Variants in ANK3 observed in about 807,000 individuals in gnomAD.
ANK3 encodes ankyrin-3.
In ANK3, 57 loss-of-function variants were observed where a neutral mutation model predicts 370.9. That is an observed-to-expected ratio of 0.15 (90% CI 0.12 to 0.19). ANK3 has a LOEUF of 0.19. ANK3 is among the 10% of genes least tolerant of loss of function. ANK3 has a pLI of 1.00. For missense variants in ANK3, 4,439 were observed against 5,302.1 expected (o/e 0.84, Z 5.06); for synonymous variants, 1,929 against 1,946.3 (o/e 0.99, Z 0.23).
intron 1 of ANK3, among the ~76,000 whole-genome samples, chr10:60,387,016 C>T (rs371258290): frequency 3.9e-5 from 6 of 151,964 alleles, no homozygotes; most frequent in East Asian, 1.9e-4. Flanking sequence ...AAAAATTAGC[C>T]GGGCAGGGTG....
At chr10:60,180,274 C>A (rs954015769) in intron 18 of ANK3, among the ~76,000 whole-genome samples, 1 of 150,502 alleles carries the variant, frequency 6.6e-6, no homozygotes, top group Non-Finnish European at 1.5e-5. Flanking sequence ...AGTAGTCATT[C>A]TTTTTCATGT....
intron 23 of ANK3, among the ~76,000 whole-genome samples, chr10:60,147,586 T>C (rs945940400): frequency 1.3e-5 from 2 of 152,150 alleles, no homozygotes; most frequent in African/African-American, 4.8e-5. Context: ...GGTGGTTGGA[T>C]CACATGGGTG....
At position 60,434,763 on chromosome 10, in the gene ANK3, A is replaced by T. The variant is rs917358143; in HGVS notation, c.97-155124T>A. Among the ~76,000 whole-genome samples the T allele has an allele frequency of 9.9e-5, 15 of 152,244 alleles. No homozygotes were observed. The East Asian group carries it at 1.3e-3, about 14-fold the overall frequency. On this transcript the variant is annotated intron_variant, in intron 2 of 43. Transcript: ENST00000373827. ...TGTATGCATTTTTGCAGAAGCTCAA[A>T]TCAAATGGTTTCAGAATCTATACAC...
chr10:60,637,873 C>T (rs958073299), intron 1 of ANK3, among the ~76,000 whole-genome samples: 4 of 152,208 alleles, frequency 2.6e-5, no homozygotes, highest in Admixed American at 6.5e-5. Context: ...TTTATTCAGA[C>T]ATTGAAAAAC....
chr10:60,158,255 T>C (rs1194312608), intron 23 of ANK3, among the ~76,000 whole-genome samples: 1 of 152,136 alleles, frequency 6.6e-6, no homozygotes, highest in Non-Finnish European at 1.5e-5. Flanking sequence ...GAAAAGGATA[T>C]TAATGAGCAA....
intron 38 of ANK3, among the ~76,000 whole-genome samples, chr10:60,064,853 C>A (rs2081326754): frequency 6.6e-6 from 1 of 152,072 alleles, no homozygotes; most frequent in Admixed American, 6.5e-5. Context: ...TAGAGCGAGA[C>A]CCTATCTCAA....
At position 60,369,134 on chromosome 10, in the gene ANK3, G is replaced by A. The variant is rs146929710; in HGVS notation, c.114+20291C>T. The stretch of plus-strand genomic sequence containing the variant: ...CCCTAGAAACAGTAAAAACTAACAA[G>A]ATCTAAGCACAGAGTTCCTTTCAGA... On this transcript the variant is annotated intron_variant, in intron 1 of 43. Coordinates refer to ENST00000280772, the MANE Select transcript of ANK3 (RefSeq NM_020987.5). Among the ~76,000 whole-genome samples the A allele has an allele frequency of 2.5e-3, 381 of 152,146 alleles. 3 individuals carry two copies. The highest frequency in any genetic ancestry group is 0.02 in the Middle Eastern group (6 of 294).
At chr10:60,334,118 T>TTA (rs2052177295) in intron 1 of ANK3, among the ~76,000 whole-genome samples, 1 of 152,184 alleles carries the variant, frequency 6.6e-6, no homozygotes. Context: ...TCTATTAGTC[T>TTA]GTTACATAGA....
chr10:60,295,003 G>A (rs114207553), intron 1 of ANK3, among the ~76,000 whole-genome samples: 3,110 of 152,192 alleles, frequency 0.02, 95 homozygotes, highest in African/African-American at 0.069. Flanking sequence ...GGTAACCGCT[G>A]GACTCTGTCA....
intron 7 of ANK3, among the ~76,000 whole-genome samples, chr10:60,237,042 C>T (rs978132400): frequency 6.6e-6 from 1 of 152,232 alleles, no homozygotes; most frequent in Non-Finnish European, 1.5e-5. Flanking sequence ...TCCAGACCTA[C>T]CAGCTTGCAG....
At chr10:60,394,091 T>A (rs183333490), upstream of ANK3, among the ~76,000 whole-genome samples, 1 of 150,502 alleles carries the variant, frequency 6.6e-6, no homozygotes, top group East Asian at 2.0e-4. Context: ...AGCCTCGCCA[T>A]AAGAGATAGT....
rs538821366 is a variant in ANK3, at chr10:60,610,501, G to A, written c.96+4685C>T. Among the ~76,000 whole-genome samples, 97 of 73,524 alleles carry A rather than the reference G, an allele frequency of 1.3e-3. 1 individual carries two copies. The South Asian group carries it at 0.032, about 25-fold the overall frequency. 48.2% of individuals were successfully genotyped at this position (73,524 alleles called of 152,430 possible). A position where few individuals can be genotyped will look rare whatever the true frequency, so the allele number is the denominator to read the frequency against. ...GCACTACAGCCTGGGCAACGAGAGC[G>A]GAAAAAAAAAAAAAATGCTTCCCGA... On this transcript the variant is annotated intron_variant, in intron 2 of 43. Coordinates refer to the ANK3 transcript ENST00000373827.
intron 17 of ANK3, among the ~76,000 whole-genome samples, chr10:60,183,758 T>G (rs2096258760): frequency 6.6e-6 from 1 of 151,446 alleles, no homozygotes; most frequent in South Asian, 2.1e-4. Context: ...CTCGGGAGGC[T>G]GAGGCAGAAG....
At chr10:60,505,309 A>G (rs993544355) in intron 2 of ANK3, among the ~76,000 whole-genome samples, 1 of 152,052 alleles carries the variant, frequency 6.6e-6, no homozygotes, top group Admixed American at 6.6e-5. Context: ...ATTATAGCAT[A>G]AAAGATATAT....
At chr10:60,366,425 C>G (rs1321009884) in intron 1 of ANK3, among the ~76,000 whole-genome samples, 1 of 152,194 alleles carries the variant, frequency 6.6e-6, no homozygotes, top group African/African-American at 2.4e-5. Flanking sequence ...GATAATGACC[C>G]TGCCAGGAAA....
chr10:60,172,274 C>T (rs2095812670), intron 21 of ANK3, 34 bp downstream of exon 21: 1 of 1,561,318 alleles, frequency 6.4e-7, no homozygotes, highest in Non-Finnish European at 8.8e-7. Context: ...AAAGCTGGCT[C>T]CTAGGGTAAC....
chr10:60,051,664 C>CT (rs35764181), intron 42 of ANK3: 75,367 of 151,560 alleles, frequency 0.5, 19,495 homozygotes, highest in East Asian at 0.81. Context: ...ATGTTTTCTT[C>CT]TTTTTTTTTT....
chr10:60,247,182 A>AT (rs2097568881), intron 7 of ANK3, among the ~76,000 whole-genome samples: 1 of 151,610 alleles, frequency 6.6e-6, no homozygotes, highest in Admixed American at 6.6e-5. Context: ...CGCCCAGCTA[A>AT]TTTTTTTGTA....
chr10:60,673,068 G>A (rs2079081870), intron 1 of ANK3, among the ~76,000 whole-genome samples: 1 of 150,206 alleles, frequency 6.7e-6, no homozygotes. Context: ...AATCACCTCT[G>A]CATGTAGATG....
Sources: gnomAD v4.1 joint callset for allele counts (sites outside exome capture counted in the v4.1 genomes callset) on GRCh38, gnomAD v4.1.1 for gene constraint, MANE v1.5 for transcripts, NCBI Gene and HGNC (gene_info 2026-07-23, HGNC 2026-07-21) for gene names.